UGT1A4: variants seen among roughly 807,000 people sequenced by gnomAD.
UGT1A4 encodes the protein UDP glucuronosyltransferase family 1 member A4.
A neutral mutation model predicts 41.1 loss-of-function variants in UGT1A4; 32 were observed. The observed-to-expected ratio is 0.78, with a 90% CI of 0.59 to 1.05. The LOEUF is 1.05. UGT1A4 is among the 50% of genes least tolerant of loss of function. The pLI, the probability that UGT1A4 is intolerant of heterozygous loss-of-function variation, is 0.00. For synonymous variants in UGT1A4, 283 were observed against 265.1 expected, an observed-to-expected ratio of 1.07 and a Z score of -0.66; for missense variants, 748 against 677.4, an observed-to-expected ratio of 1.10 and a Z score of -1.16.
At chr2:233,764,549 G>A (rs1698590691) in intron 1 of UGT1A4, among the ~76,000 whole-genome samples, 1 of 152,222 alleles carries the variant, frequency 6.6e-6, no homozygotes, top group Non-Finnish European at 1.5e-5. Flanking sequence ...GGGCGTGTGG[G>A]AGGGTGTGCC....
At chr2:233,728,979 T>C (rs55781538) in intron 1 of UGT1A4, 30,148 of 1,500,164 alleles carry the variant, frequency 0.02, 353 homozygotes, top group Non-Finnish European at 0.023. Context: ...AGATTAATGG[T>C]TAATAATTAA....
intron 3 of UGT1A4, 102 bp from the exon 4 acceptor site, chr2:233,768,118 G>A (rs1575832144): frequency 6.2e-7 from 1 of 1,600,328 alleles, no homozygotes; most frequent in South Asian, 1.1e-5. Context: ...GCAAGGGCAT[G>A]TGAGTAACAC....
intron 1 of UGT1A4, chr2:233,741,926 GCATAACCTGTGC>G: frequency 6.6e-6 from 1 of 151,948 alleles, no homozygotes; most frequent in Non-Finnish European, 1.5e-5. Context: ...TTCATTTGGG[GCATAACCTGTGC>G]CAACAGAAAG....
chr2:233,762,367 A>G lies in UGT1A4; in HGVS notation c.868-4667A>G, dbSNP rs34270252. ...GTTCTTTGTACTCCAGCTATTACAT[A>G]CCAATATGTATATAGAAACATATGT... On this transcript the variant is annotated intron_variant, in intron 1 of 4. Transcript: ENST00000373409. 2.9e-4 allele frequency among the ~76,000 whole-genome samples: 44 copies of G among 152,378 alleles called. 2 individuals are homozygous for G. The East Asian group carries it at 8.1e-3, about 28-fold the overall frequency.
chr2:233,734,099 A>G (rs1454975810), intron 1 of UGT1A4, among the ~76,000 whole-genome samples: 11 of 151,694 alleles, frequency 7.3e-5, no homozygotes, highest in African/African-American at 2.7e-4. Flanking sequence ...TAAAACTTAA[A>G]GTATAATAAT....
Position 233,733,630 on chromosome 2 carries a change from C to A in UGT1A4, c.867+13943C>A, listed in dbSNP as rs2078422347. 1.3e-5 allele frequency among the ~76,000 whole-genome samples: 2 copies of A among 152,174 alleles called. 1 individual carries two copies. The highest frequency in any genetic ancestry group is 4.2e-4 in the South Asian group (2 of 4,816). On this transcript the variant is annotated intron_variant, in intron 1 of 4. Transcript: ENST00000373409. ...CATTTATTGATTTGCATATGTTGAA[C>A]CAGCCTTGCATCCCAAGGATGAAGC...
At chr2:233,764,883 A>C (rs1698677013) in intron 1 of UGT1A4, among the ~76,000 whole-genome samples, 1 of 152,176 alleles carries the variant, frequency 6.6e-6, no homozygotes, top group Non-Finnish European at 1.5e-5. Context: ...GGGAAAAGGC[A>C]AAGACAAAGC....
chr2:233,722,730 C>T (rs1168734354), intron 1 of UGT1A4, among the ~76,000 whole-genome samples: 1 of 151,932 alleles, frequency 6.6e-6, no homozygotes, highest in Non-Finnish European at 1.5e-5. Flanking sequence ...TTAAATTTCT[C>T]CTTTGATGCA....
At chr2:233,724,531 C>T (rs557040072) in intron 1 of UGT1A4, among the ~76,000 whole-genome samples, 5 of 121,606 alleles carry the variant, frequency 4.1e-5, no homozygotes, top group Admixed American at 8.0e-5. Context: ...GGGGTCTCGC[C>T]GGGCAGAGGC....
chr2:233,758,786 G>T (rs1696976610), intron 1 of UGT1A4, among the ~76,000 whole-genome samples: 1 of 152,212 alleles, frequency 6.6e-6, no homozygotes, highest in Admixed American at 6.5e-5. Context: ...GATCTGTGCA[G>T]TTATCTTGGA....
chr2:233,743,455 A>G (rs781319015), intron 1 of UGT1A4: 2 of 1,366,026 alleles, frequency 1.5e-6, no homozygotes, highest in Non-Finnish European at 9.8e-7. Flanking sequence ...AAAAGAAGAA[A>G]AAACACCCCC....
chr2:233,740,554 T>C (rs983150710), intron 1 of UGT1A4: 2 of 151,778 alleles, frequency 1.3e-5, no homozygotes, highest in African/African-American at 4.9e-5. Context: ...CCAGAAAAAA[T>C]GTCCGGCATT....
At position 233,769,464 on chromosome 2, in the gene UGT1A4, C is replaced by CGTGT; in HGVS notation, c.1307+1037_1307+1040dup. The CGTGT allele has an allele frequency of 2.0e-6, 3 of 1,503,202 alleles. No individual in the cohort carries two copies. The highest frequency in any genetic ancestry group is 2.4e-5 in the South Asian group (2 of 84,104). The allele number at this position is 1,503,202 out of a possible 1,614,324, so 93.1% of individuals were successfully genotyped here. On this transcript the variant is annotated intron_variant, in intron 4 of 4. Transcript: ENST00000373409. The surrounding 1 kb of genome is among the most constrained non-coding windows in gnomAD (Gnocchi z 4.4). ...GGGTGCACACGTGTGCATTCATATG[C>CGTGT]GTGTGTGTGTGTGTGCGTGTGTTTA...
intron 1 of UGT1A4, among the ~76,000 whole-genome samples, chr2:233,731,040 C>T (rs1274870309): frequency 2.6e-5 from 4 of 152,166 alleles, no homozygotes; most frequent in African/African-American, 9.7e-5. Flanking sequence ...ATGTCATATT[C>T]ACCGAATGTG....
chr2:233,742,756 G>T (rs1692089977), intron 1 of UGT1A4: 1 of 153,056 alleles, frequency 6.5e-6, no homozygotes, highest in Middle Eastern at 3.4e-3. Flanking sequence ...AAAATATTAA[G>T]ATAATAAATG....
intron 1 of UGT1A4, among the ~76,000 whole-genome samples, chr2:233,724,233 G>A (rs1323099966): frequency 1.2e-4 from 15 of 126,038 alleles, no homozygotes; most frequent in African/African-American, 3.9e-4. Context: ...CAGTAGGGGC[G>A]GCCGGGCAGA....
At chr2:233,729,952 A>T in intron 1 of UGT1A4, 1 of 1,614,072 alleles carries the variant, frequency 6.2e-7, no homozygotes, top group South Asian at 1.1e-5. Context: ...CATGGTCTTC[A>T]TTGGGGGCAT....
chr2:233,755,767 T>C (rs1575738311), intron 1 of UGT1A4: 1 of 152,920 alleles, frequency 6.5e-6, no homozygotes, highest in African/African-American at 2.4e-5. Context: ...CTTTTGTTCA[T>C]CTGGATTATG....
At chr2:233,766,252 C>T (rs1204251588) in intron 1 of UGT1A4, among the ~76,000 whole-genome samples, 7 of 151,626 alleles carry the variant, frequency 4.6e-5, no homozygotes, top group South Asian at 2.1e-4. Flanking sequence ...GGAGTCAGAC[C>T]GCTCAGTGGC....
Sources: gnomAD v4.1 joint callset for allele counts (sites outside exome capture counted in the v4.1 genomes callset) on GRCh38, gnomAD v4.1.1 for gene constraint, Gnocchi (gnomAD v3.1) non-coding constraint, MANE v1.5 for transcripts, NCBI Gene and HGNC (gene_info 2026-07-23, HGNC 2026-07-21) for gene names.